Variants in SCFD1 observed in about 807,000 individuals in gnomAD.
The protein encoded by SCFD1 is sec1 family domain containing 1.
SCFD1 carries 37 observed loss-of-function variants against 103.2 expected under a neutral mutation model. That is an observed-to-expected ratio of 0.36 (90% CI 0.28 to 0.47). The LOEUF (loss-of-function observed/expected upper bound fraction) is 0.47. SCFD1 is among the 20% of genes least tolerant of loss of function. The probability of loss-of-function intolerance (pLI) is 1.00; values close to 1 mark genes in which losing one functional copy is unlikely to be tolerated. For synonymous variants in SCFD1, 264 were observed against 245.0 expected (o/e 1.08, Z -0.73); for missense variants, 639 against 761.2 (o/e 0.84, Z 1.89).
rs142194111 is a variant in SCFD1 at position 30,695,231 on chromosome 14, A to G, written c.1339+362A>G. Among the ~76,000 whole-genome samples, 1,032 of 152,294 alleles carry G rather than the reference A, an allele frequency of 6.8e-3. 9 individuals are homozygous for G. Among genetic ancestry groups the G allele is most frequent in the Non-Finnish European group, 0.011 (753 of 68,022 alleles). ...TCCTAATTACTTTGGTCTACCCTCA[A>G]TTTCCTGAAAAGATGTATCTAAAAC... On this transcript the variant is annotated intron_variant, in intron 15 of 24. Coordinates refer to ENST00000458591, the MANE Select transcript of SCFD1 (RefSeq NM_016106.4).
chr14:30,654,148 G>A (rs1886667423), intron 10 of SCFD1, among the ~76,000 whole-genome samples: 1 of 152,180 alleles, frequency 6.6e-6, no homozygotes. Flanking sequence ...CACGGCTTCA[G>A]TCTTCAAAGA....
intron 14 of SCFD1, among the ~76,000 whole-genome samples, chr14:30,692,344 A>G (rs966219764): frequency 6.6e-6 from 1 of 152,184 alleles, no homozygotes; most frequent in African/African-American, 2.4e-5. Flanking sequence ...GGACAGTAAT[A>G]TACTGTGATC....
intron 14 of SCFD1, among the ~76,000 whole-genome samples, chr14:30,690,510 G>A (rs1304647130): frequency 2.1e-4 from 25 of 119,650 alleles, no homozygotes; most frequent in Admixed American, 6.7e-4. Flanking sequence ...ATATAGTCTC[G>A]TGGTGCGCCG....
intron 14 of SCFD1, among the ~76,000 whole-genome samples, chr14:30,678,378 AT>A (rs1216353991): frequency 6.6e-6 from 1 of 152,150 alleles, no homozygotes; most frequent in African/African-American, 2.4e-5. Flanking sequence ...TTTAAGAAAC[AT>A]TTTCACTTTA....
chr14:30,705,763 C>A lies in SCFD1; in HGVS notation c.1491-60C>A, dbSNP rs952892713. On this transcript the variant is annotated intron_variant, in intron 17 of 24. Transcript: ENST00000458591. ...AGTTAGTCAGTAGATATTTTAATAC[C>A]GTGACACCCAGAGTTAGTTCTAATA... The A allele has an allele frequency of 7.8e-6, 10 of 1,280,362 alleles. No homozygotes were observed. The South Asian group carries it at 1.2e-4, about 16-fold the overall frequency. The allele number at this position is 1,280,362 out of a possible 1,614,324, so 79.3% of individuals were successfully genotyped here. A position where few individuals can be genotyped will look rare whatever the true frequency, so the allele number is the denominator to read the frequency against.
chr14:30,627,603 G>A (rs1488872808), intron 1 of SCFD1, among the ~76,000 whole-genome samples: 3 of 151,814 alleles, frequency 2.0e-5, no homozygotes, highest in East Asian at 1.9e-4. Flanking sequence ...AAAATTAGCC[G>A]GGCATGGCAG....
chr14:30,693,489 A>T (rs1375017608), intron 14 of SCFD1, among the ~76,000 whole-genome samples: 1 of 152,090 alleles, frequency 6.6e-6, no homozygotes, highest in African/African-American at 2.4e-5. Context: ...AATGACTCTG[A>T]TTTCTTGTTG....
intron 4 of SCFD1, 31 bp from the exon 5 acceptor site, chr14:30,638,094 T>C (rs1884910028): frequency 3.2e-6 from 5 of 1,554,638 alleles, no homozygotes; most frequent in Non-Finnish European, 4.3e-6. Flanking sequence ...TTCTTTATCC[T>C]ATAAGAATAA....
At chr14:30,676,316 A>ATT in intron 14 of SCFD1, 1 of 152,216 alleles carries the variant, frequency 6.6e-6, no homozygotes, top group Non-Finnish European at 1.5e-5. Flanking sequence ...AGTAAACAAG[A>ATT]CAGACAAGTT....
chr14:30,703,997 C>A (rs1343957574), intron 17 of SCFD1, among the ~76,000 whole-genome samples: 1 of 124,958 alleles, frequency 8.0e-6, no homozygotes, highest in East Asian at 2.3e-4. Flanking sequence ...GGACCCAAGT[C>A]TAAACAAAAA....
At chr14:30,703,917 A>G (rs1389952052) in intron 17 of SCFD1, among the ~76,000 whole-genome samples, 20 of 25,948 alleles carry the variant, frequency 7.7e-4, no homozygotes, top group South Asian at 1.3e-3. Context: ...TTGCATATAT[A>G]TATATATATA....
At chr14:30,705,730 GAA>G in intron 17 of SCFD1, 91 bp from the exon 18 acceptor site, 1 of 897,176 alleles carries the variant, frequency 1.1e-6, no homozygotes, top group Non-Finnish European at 1.8e-6. Flanking sequence ...CTGCATCATA[GAA>G]GTTAGAGTTA....
intron 7 of SCFD1, among the ~76,000 whole-genome samples, chr14:30,645,811 TTTTA>T (rs1885763402): frequency 6.6e-6 from 1 of 152,148 alleles, no homozygotes; most frequent in Admixed American, 6.6e-5. Flanking sequence ...TTAGGATGCC[TTTTA>T]TTTCTTTCTC....
intron 14 of SCFD1, among the ~76,000 whole-genome samples, chr14:30,691,184 G>T (rs908452445): frequency 7.2e-5 from 11 of 152,124 alleles, no homozygotes; most frequent in African/African-American, 2.7e-4. Flanking sequence ...TGGTAGTCTT[G>T]AACAAATACA....
intron 17 of SCFD1, 101 bp downstream of exon 17, chr14:30,702,476 C>A: frequency 4.6e-6 from 3 of 657,098 alleles, no homozygotes; most frequent in African/African-American, 1.9e-5. Context: ...CTGAACAATG[C>A]CTTGGTGGTT....
chr14:30,641,263 T>C (rs1010752809), intron 6 of SCFD1, among the ~76,000 whole-genome samples: 11 of 152,188 alleles, frequency 7.2e-5, no homozygotes, highest in African/African-American at 2.2e-4. Context: ...TTGCAAATAT[T>C]TTTCATTCTA....
At chr14:30,653,191 C>T (rs1433102360) in intron 9 of SCFD1, among the ~76,000 whole-genome samples, 1 of 151,944 alleles carries the variant, frequency 6.6e-6, no homozygotes. Flanking sequence ...GTCCCAGCTA[C>T]TCCAGAAACC....
chr14:30,716,529 A>G (rs775784373), intron 20 of SCFD1, among the ~76,000 whole-genome samples: 1 of 152,218 alleles, frequency 6.6e-6, no homozygotes, highest in African/African-American at 2.4e-5. Flanking sequence ...CAAGAAAGGA[A>G]TGTAAAAATC....
At chr14:30,645,330 T>C (rs977885051) in intron 7 of SCFD1, among the ~76,000 whole-genome samples, 1 of 152,192 alleles carries the variant, frequency 6.6e-6, no homozygotes, top group African/African-American at 2.4e-5. Context: ...TCTTTTTTGG[T>C]TCTGTATGAC....
Sources: allele counts gnomAD v4.1 joint callset (sites outside exome capture counted in the v4.1 genomes callset), GRCh38; gene constraint gnomAD v4.1.1; transcripts MANE v1.5; gene names NCBI Gene and HGNC (gene_info 2026-07-23, HGNC 2026-07-21).